Variants in FAM135B observed in about 807,000 individuals in gnomAD.
FAM135B encodes protein FAM135B.
A neutral mutation model predicts 127.7 loss-of-function variants in FAM135B; 43 were observed. That is an observed-to-expected ratio of 0.34 (90% CI 0.26 to 0.43). FAM135B has a LOEUF of 0.43. FAM135B is among the 20% of genes least tolerant of loss of function. The pLI is 1.00. For synonymous variants in FAM135B, 670 were observed against 665.1 expected (o/e 1.01, Z -0.11); for missense variants, 1,558 against 1,725.6 (o/e 0.90, Z 1.72).
chr8:138,289,568 CAG>C (rs1382805043), intron 3 of FAM135B, among the ~76,000 whole-genome samples: 2 of 152,226 alleles, frequency 1.3e-5, no homozygotes, highest in African/African-American at 2.4e-5. Flanking sequence ...TGCATTTTTT[CAG>C]AGTCATCCTG....
intron 7 of FAM135B, among the ~76,000 whole-genome samples, chr8:138,240,630 T>C (rs1028659374): frequency 3.3e-5 from 5 of 152,162 alleles, no homozygotes; most frequent in Non-Finnish European, 4.4e-5. Flanking sequence ...TTGGTTTCTA[T>C]TCCCAGCCAC....
In FAM135B at chr8:138,153,085, T is replaced by C. The variant is rs1442457137; in HGVS notation, c.1390A>G (p.Thr464Ala). 5.0e-6 allele frequency: 8 copies of C among 1,614,038 alleles called. No homozygotes were observed. In the African/African-American group the frequency reaches 6.7e-5, roughly 13 times the overall value. Residue 464 changes from threonine to alanine, a missense_variant, in exon 13 of 20, where the codon ACC (threonine) becomes GCC (alanine). By Grantham distance (58) the Thr-to-Ala change is moderately conservative (BLOSUM62 0). This residue lies in a region of FAM135B where 923 missense variants were observed against 865.3 expected (regional missense o/e 1.07). Coordinates refer to ENST00000395297, the MANE Select transcript of FAM135B (RefSeq NM_015912.4). ...GAATCCATTTGGGATGGTTTTATGG[T>C]AGACAAGACAAGGTCTTCCCTAAAA... ...LSFREDLVLS[T>A]IKPSQMDSDE...
chr8:138,431,650 C>T (rs1444768862), intron 1 of FAM135B, among the ~76,000 whole-genome samples: 1 of 152,190 alleles, frequency 6.6e-6, no homozygotes, highest in Non-Finnish European at 1.5e-5. Flanking sequence ...TTTCCAATCC[C>T]TGTTTTAAAC....
chr8:138,192,024 G>A (rs1178488982), intron 9 of FAM135B, among the ~76,000 whole-genome samples: 4 of 152,222 alleles, frequency 2.6e-5, no homozygotes, highest in African/African-American at 9.6e-5. Flanking sequence ...TGCCGGCACT[G>A]TGGCTTTAGT....
intron 1 of FAM135B, chr8:138,450,519 A>T: frequency 6.6e-6 from 1 of 152,018 alleles, no homozygotes; most frequent in East Asian, 1.9e-4. Flanking sequence ...GGTGGTGTTG[A>T]TGTTCTGGAT....
At chr8:138,416,799 G>T (rs1834182953) in intron 1 of FAM135B, among the ~76,000 whole-genome samples, 1 of 152,090 alleles carries the variant, frequency 6.6e-6, no homozygotes, top group Admixed American at 6.6e-5. Context: ...GGCACAGAGA[G>T]TGAATGGAGG....
chr8:138,367,951 C>T lies in FAM135B; in HGVS notation c.33G>A (p.Ser11=), dbSNP rs376994267. Residue 11 remains serine, a synonymous_variant, in exon 2 of 20, where the codon TCG becomes TCA. Coordinates refer to ENST00000395297, the MANE Select transcript of FAM135B (RefSeq NM_015912.4). MSEIQGTVEF[S]VELHKFYNVD... ...CATTATAAAATTTATGTAGCTCTAC[C>T]GAAAACTCAACCGTTCCTTGTATTT... 3.3e-5 allele frequency: 53 copies of T among 1,613,642 alleles called. No homozygotes were observed. The highest frequency in any genetic ancestry group is 1.5e-4 in the Admixed American group (9 of 59,964).
At chr8:138,206,660 G>GCTCTAT (rs1817681612) in intron 7 of FAM135B, among the ~76,000 whole-genome samples, 3 of 34,354 alleles carry the variant, frequency 8.7e-5, no homozygotes, top group Non-Finnish European at 1.2e-4. Context: ...CAGAACTCCA[G>GCTCTAT]CATCCCCTCC....
intron 1 of FAM135B, among the ~76,000 whole-genome samples, chr8:138,490,974 C>G (rs1354789991): frequency 6.6e-6 from 1 of 151,844 alleles, no homozygotes; most frequent in African/African-American, 2.4e-5. Context: ...GAAACTCTGT[C>G]TCTACTAAAA....
At chr8:138,328,583 G>T (rs1177699868) in intron 2 of FAM135B, among the ~76,000 whole-genome samples, 1 of 152,110 alleles carries the variant, frequency 6.6e-6, no homozygotes, top group Non-Finnish European at 1.5e-5. Context: ...TGGGTAACAA[G>T]GAAGTGCAAA....
In FAM135B at chr8:138,198,488, T is replaced by C. The variant is rs150705495; in HGVS notation, c.670-819A>G. On this transcript the variant is annotated intron_variant, in intron 7 of 19. Transcript: ENST00000395297. Reference sequence around the variant, plus strand: ...GAGAAGAAATTTAGAAAGACCCTTGTAGCAGGTGGGTGAGCAGTAGGTCGT... The same window carrying C: ...GAGAAGAAATTTAGAAAGACCCTTGCAGCAGGTGGGTGAGCAGTAGGTCGT... Among the ~76,000 whole-genome samples the C allele has an allele frequency of 2.6e-3, 396 of 152,264 alleles. 4 individuals carry two copies. Among genetic ancestry groups the C allele is most frequent in the East Asian group, 2.7e-3 (14 of 5,172 alleles).
chr8:138,213,957 T>TTTG (rs5895503), intron 7 of FAM135B, among the ~76,000 whole-genome samples: 109,665 of 151,616 alleles, frequency 0.72, 39,869 homozygotes, highest in East Asian at 0.82. Flanking sequence ...TCAGGATGGC[T>TTTG]TTGTGGGGGC....
In FAM135B at chr8:138,141,152, G is replaced by A. The variant is rs1817109029; in HGVS notation, c.3790+46C>T. 3 of 1,588,728 alleles carry A rather than the reference G, an allele frequency of 1.9e-6. No homozygotes were observed. The highest frequency in any genetic ancestry group is 2.6e-6 in the Non-Finnish European group (3 of 1,159,876). On this transcript the variant is annotated intron_variant, in intron 17 of 19. Transcript: ENST00000395297. The surrounding 1 kb of genome is among the most constrained non-coding windows in gnomAD (Gnocchi z 4.7). ...CTGTGCCCGGTTTCACGCCCCAGAGGCCCCAGATTAATTCTGAGGAATGAC... is the reference window on the plus strand; with the variant it reads ...CTGTGCCCGGTTTCACGCCCCAGAGACCCCAGATTAATTCTGAGGAATGAC...
chr8:138,159,203 C>A (rs1279937618), intron 12 of FAM135B, among the ~76,000 whole-genome samples: 1 of 137,990 alleles, frequency 7.2e-6, no homozygotes, highest in Admixed American at 7.8e-5. Context: ...ACCCGGGAAG[C>A]GGAGCTTGCA....
chr8:138,486,930 A>T (rs1023587328), intron 1 of FAM135B, among the ~76,000 whole-genome samples: 3 of 152,114 alleles, frequency 2.0e-5, no homozygotes, highest in African/African-American at 7.2e-5. Flanking sequence ...TAGGACCAAG[A>T]AGGTTCCTGG....
intron 7 of FAM135B, among the ~76,000 whole-genome samples, chr8:138,209,455 T>C (rs1051757899): frequency 3.3e-5 from 5 of 151,908 alleles, no homozygotes; most frequent in South Asian, 2.1e-4. Context: ...AACAAGGGCA[T>C]AGAGTGAGTA....
At chr8:138,137,880 C>G (rs1816796016) in intron 18 of FAM135B, among the ~76,000 whole-genome samples, 1 of 152,172 alleles carries the variant, frequency 6.6e-6, no homozygotes, top group African/African-American at 2.4e-5. Flanking sequence ...CTGAGCACTG[C>G]AGACTACCCG....
chr8:138,269,679 C>T (rs1823220993), intron 3 of FAM135B, among the ~76,000 whole-genome samples: 1 of 152,178 alleles, frequency 6.6e-6, no homozygotes, highest in African/African-American at 2.4e-5. Flanking sequence ...AAGTTCTAGA[C>T]TTGTCCCCAC....
At chr8:138,494,232 A>G (rs1045824861) in intron 1 of FAM135B, among the ~76,000 whole-genome samples, 5 of 152,254 alleles carry the variant, frequency 3.3e-5, no homozygotes, top group Non-Finnish European at 7.3e-5. Flanking sequence ...AAAAGCAGCC[A>G]GGAATGGCCT....
Sources: allele counts gnomAD v4.1 joint callset (sites outside exome capture counted in the v4.1 genomes callset), GRCh38; gene constraint gnomAD v4.1.1; regional missense constraint gnomAD v4.1.1; non-coding constraint Gnocchi (gnomAD v3.1); transcripts MANE v1.5; gene names NCBI Gene and HGNC (gene_info 2026-07-23, HGNC 2026-07-21).